Variants in AGBL1 observed in about 807,000 individuals in gnomAD.
AGBL1 encodes the protein cytosolic carboxypeptidase 4.
A neutral mutation model predicts 118.9 loss-of-function variants in AGBL1; 130 were observed. The observed-to-expected ratio is 1.09, with a 90% CI of 0.95 to 1.26. The LOEUF is 1.26. AGBL1 is among the 50% of genes most tolerant of loss of function. The pLI, the probability that AGBL1 is intolerant of heterozygous loss-of-function variation, is 0.00. For synonymous variants in AGBL1, 555 were observed against 478.9 expected, an observed-to-expected ratio of 1.16 and a Z score of -2.08; for missense variants, 1,584 against 1,298.1, an observed-to-expected ratio of 1.22 and a Z score of -3.38.
chr15:86,366,192 A>T (rs1476495359), intron 17 of AGBL1, among the ~76,000 whole-genome samples: 1 of 152,154 alleles, frequency 6.6e-6, no homozygotes, highest in African/African-American at 2.4e-5. Context: ...TTCTTCATTC[A>T]GCTCCATTTC....
chr15:86,383,275 A>AAT (rs544397935), intron 17 of AGBL1, among the ~76,000 whole-genome samples: 3,958 of 118,748 alleles, frequency 0.033, 282 homozygotes, highest in South Asian at 0.073. Context: ...AAAAAAAAAA[A>AAT]TCCTAATTGC....
At chr15:86,639,759 C>T (rs1193458348) in intron 21 of AGBL1, among the ~76,000 whole-genome samples, 3 of 152,158 alleles carry the variant, frequency 2.0e-5, no homozygotes, top group Non-Finnish European at 2.9e-5. Flanking sequence ...GAGCAATGAC[C>T]TGAGCAGGAA....
At chr15:86,489,779 C>T (rs1356499475) in intron 18 of AGBL1, among the ~76,000 whole-genome samples, 2 of 152,038 alleles carry the variant, frequency 1.3e-5, no homozygotes, top group African/African-American at 2.4e-5. Context: ...GTTTGCTGAC[C>T]TCTGGTCTAG....
At chr15:86,500,235 T>C (rs954095642) in intron 18 of AGBL1, among the ~76,000 whole-genome samples, 4 of 151,846 alleles carry the variant, frequency 2.6e-5, no homozygotes, top group African/African-American at 9.7e-5. Context: ...TGCACAGGTT[T>C]GTGGAGGGAG....
rs770421030 is a variant in AGBL1, at chr15:86,536,667, A to C, written c.2686-9335A>C. 2.3e-4 allele frequency among the ~76,000 whole-genome samples: 35 copies of C among 152,152 alleles called. 1 individual carries two copies. The highest frequency in any genetic ancestry group is 6.6e-5 in the Admixed American group (1 of 15,262). On this transcript the variant is annotated intron_variant, in intron 19 of 22. Transcript: ENST00000614907. ...TCAGAATTTTCAAAGAAGTCTAAAC[A>C]AATTTCTTATGTTTTATTTGTTGTG... is the stretch of plus-strand genomic sequence containing the variant.
At chr15:86,140,919 T>C (rs1198156842) in intron 1 of AGBL1, among the ~76,000 whole-genome samples, 1 of 152,208 alleles carries the variant, frequency 6.6e-6, no homozygotes, top group Non-Finnish European at 1.5e-5. Flanking sequence ...TAAAGAGCTT[T>C]GGAAATTCTA....
At position 86,257,008 on chromosome 15, in the gene AGBL1, T is replaced by G; in HGVS notation, c.891T>G (p.Asp297Glu). Residue 297 changes from aspartate to glutamate, a missense_variant, in exon 8 of 23, where the codon GAT (aspartate) becomes GAG (glutamate). Physicochemically the swap from Asp to Glu is conservative, Grantham distance 45. Transcript: ENST00000614907. ...PGCITTEPPH[D>E]LPEEDFEDDG... The stretch of plus-strand genomic sequence containing the variant: ...GCATCACCACTGAACCTCCACATGA[T>G]CTACCTGAAGGTAAAATAAGTTGGT... 1 of 1,613,806 alleles carries G rather than the reference T, an allele frequency of 6.2e-7. No homozygotes were observed. Among genetic ancestry groups the G allele is most frequent in the Non-Finnish European group, 8.5e-7 (1 of 1,179,814 alleles).
chr15:86,664,017 A>G (rs1180925647), intron 21 of AGBL1, among the ~76,000 whole-genome samples: 1 of 152,082 alleles, frequency 6.6e-6, no homozygotes, highest in Non-Finnish European at 1.5e-5. Flanking sequence ...AATTTCACCA[A>G]TAAAAGACCC....
At chr15:86,158,909 C>G (rs763940129) in intron 4 of AGBL1, 24 bp from the exon 5 acceptor site, 2 of 1,606,252 alleles carry the variant, frequency 1.2e-6, no homozygotes, top group African/African-American at 1.3e-5. Context: ...GTGACCATAA[C>G]TACTGTGCTT....
chr15:86,849,570 T>A (rs1027256852), intron 22 of AGBL1, among the ~76,000 whole-genome samples: 12 of 147,432 alleles, frequency 8.1e-5, no homozygotes, highest in Non-Finnish European at 1.5e-5. Context: ...AATATCAGAA[T>A]TGCAAATCAT....
intron 23 of AGBL1, among the ~76,000 whole-genome samples, chr15:86,942,258 A>T (rs1332725194): frequency 6.6e-6 from 1 of 152,210 alleles, no homozygotes; most frequent in African/African-American, 2.4e-5. Context: ...GTCACCACCC[A>T]TAGCAATTGT....
intron 17 of AGBL1, among the ~76,000 whole-genome samples, chr15:86,331,267 T>C (rs968323386): frequency 6.6e-6 from 1 of 150,668 alleles, no homozygotes; most frequent in East Asian, 1.9e-4. Context: ...TATGGAATTA[T>C]GTAAAGTGAC....
Position 86,264,412 on chromosome 15 carries a change from C to T in AGBL1, c.1241C>T (p.Ser414Phe). The T allele has an allele frequency of 1.2e-6, 2 of 1,613,984 alleles. No individual in the cohort carries two copies. Among genetic ancestry groups the T allele is most frequent in the Non-Finnish European group, 1.7e-6 (2 of 1,179,888 alleles). The stretch of plus-strand genomic sequence containing the variant: ...GAAAGAGAATATGCTGTCCAGACTT[C>T]CCTTCTGTGCAGGGTGAAGACGGGA... ...GQEREYAVQT[S>F]LLCRVKTGRS... is the part of the protein sequence containing the mutation. Residue 414 changes from serine (S) to phenylalanine (F), a missense_variant, in exon 11 of 23, where the codon TCC becomes TTC. Coordinates refer to ENST00000614907, the MANE Select transcript of AGBL1 (RefSeq NM_001386094.1).
chr15:86,160,982 C>T (rs1047500117), intron 5 of AGBL1, among the ~76,000 whole-genome samples: 22 of 152,184 alleles, frequency 1.4e-4, no homozygotes, highest in African/African-American at 5.1e-4. Flanking sequence ...ACCTCTTCCT[C>T]AGAGACTCAC....
intron 23 of AGBL1, among the ~76,000 whole-genome samples, chr15:86,925,875 C>T (rs1008622835): frequency 7.9e-5 from 12 of 151,896 alleles, no homozygotes; most frequent in Admixed American, 7.2e-4. Context: ...GGACTACAGG[C>T]GCCCGCCACC....
At chr15:86,476,912 T>G (rs2082567796) in intron 18 of AGBL1, among the ~76,000 whole-genome samples, 1 of 152,144 alleles carries the variant, frequency 6.6e-6, no homozygotes, top group South Asian at 2.1e-4. Flanking sequence ...AAACTAGAAC[T>G]CAGGATTAAG....
intron 21 of AGBL1, chr15:86,630,733 CAT>C (rs1430897868): frequency 6.6e-6 from 1 of 152,206 alleles, no homozygotes; most frequent in Non-Finnish European, 1.5e-5. Context: ...GAGAGGACAA[CAT>C]AGCTATTTTT....
At chr15:86,975,584 C>T (rs1244208636) in intron 23 of AGBL1, among the ~76,000 whole-genome samples, 1 of 152,112 alleles carries the variant, frequency 6.6e-6, no homozygotes, top group East Asian at 1.9e-4. Flanking sequence ...ATTCCCATTG[C>T]TCTCCATGCT....
downstream of AGBL1, among the ~76,000 whole-genome samples, chr15:87,029,668 G>A (rs542342589): frequency 1.3e-5 from 2 of 151,922 alleles, no homozygotes; most frequent in African/African-American, 4.8e-5. Context: ...AAGTCAAAGA[G>A]ATAGTCTGTA....
Sources: allele counts gnomAD v4.1 joint callset (sites outside exome capture counted in the v4.1 genomes callset), GRCh38; gene constraint gnomAD v4.1.1; transcripts MANE v1.5; gene names NCBI Gene and HGNC (gene_info 2026-07-23, HGNC 2026-07-21).